ALMS1: variants seen among roughly 807,000 people sequenced by gnomAD.
ALMS1 encodes the protein ALMS1 centrosome and basal body associated protein, also known as centrosome-associated protein ALMS1.
ALMS1 carries 271 observed loss-of-function variants against 352.2 expected under a neutral mutation model. The observed-to-expected ratio is 0.77, with a 90% CI of 0.70 to 0.85. ALMS1 has a LOEUF of 0.85. Ranked by LOEUF, ALMS1 falls within the 40% of genes least tolerant of loss-of-function variation. ALMS1 has a pLI of 0.00. For missense variants in ALMS1, 5,445 were observed against 4,870.7 expected (o/e 1.12, Z -3.51); for synonymous variants, 1,865 against 1,761.2 (o/e 1.06, Z -1.48).
In ALMS1 at chr2:73,450,375, C is replaced by G. The variant is rs975256102; in HGVS notation, c.3848C>G (p.Ser1283Cys). The G allele has an allele frequency of 1.9e-6, 3 of 1,613,514 alleles. No individual in the cohort carries two copies. Among genetic ancestry groups the G allele is most frequent in the Non-Finnish European group, 2.5e-6 (3 of 1,179,882 alleles). The part of the protein sequence containing the change: ...DQTTGTPAVT[S>C]TSYSQYREKP... ...ACAACTGGCACACCAGCTGTAACCT[C>G]TACTTCCTACTCACAATATAGAGAG... Residue 1283 changes from serine (S) to cysteine (C), a missense_variant, in exon 8 of 23, where the codon TCT (serine) becomes TGT (cysteine). By Grantham distance (112) the Ser-to-Cys change is moderately radical. Coordinates refer to ENST00000613296, the MANE Select transcript of ALMS1 (RefSeq NM_001378454.1).
In ALMS1 at chr2:73,453,951, G is replaced by A; in HGVS notation, c.7424G>A (p.Ser2475Asn). Residue 2475 changes from serine (S) to asparagine (N), a missense_variant, in exon 8 of 23, where the codon AGT becomes AAT. Transcript: ENST00000613296. ...GAGAGTGAGGATGGTGGTGGTAGCA[G>A]TGTAGATTCACTGGCTGCACATGTG... ...VSESEDGGGSSVDSLAAHVKN... is the reference protein window; with the variant it reads ...VSESEDGGGSNVDSLAAHVKN... The A allele has an allele frequency of 1.2e-6, 2 of 1,614,028 alleles. No homozygotes were observed. Among genetic ancestry groups the A allele is most frequent in the Non-Finnish European group, 1.7e-6 (2 of 1,179,990 alleles).
intron 11 of ALMS1, 123 bp downstream of exon 11, chr2:73,520,139 A>T: frequency 1.6e-6 from 2 of 1,248,182 alleles, no homozygotes; most frequent in South Asian, 2.5e-5. Context: ...TAGGGTCCAT[A>T]TGATTATATC....
At position 73,451,595 on chromosome 2, in the gene ALMS1, A is replaced by G. The variant is rs1360738091; in HGVS notation, c.5068A>G (p.Lys1690Glu). 6.2e-7 allele frequency: 1 copy of G among 1,614,102 alleles called. No individual in the cohort carries two copies. Among genetic ancestry groups the G allele is most frequent in the Non-Finnish European group, 8.5e-7 (1 of 1,180,000 alleles). ...CAGTCATTTACCTGAAGAAGCTCTG[A>G]AAGTTCCACCTGTTCCTGGACCAGA... ...SDSHLPEEAL[K>E]VPPVPGPDAQ... The change falls in exon 8 of 23, where the codon AAA becomes GAA. Residue 1690 changes from lysine (K) to glutamate (E), a missense_variant. Coordinates refer to ENST00000613296, the MANE Select transcript of ALMS1 (RefSeq NM_001378454.1).
intron 2 of ALMS1, among the ~76,000 whole-genome samples, chr2:73,412,924 A>C (rs1369407128): frequency 6.6e-6 from 1 of 152,110 alleles, no homozygotes; most frequent in Non-Finnish European, 1.5e-5. Context: ...GTATCCCAGT[A>C]GTATATGAGA....
chr2:73,525,933 C>G (rs952544546), intron 11 of ALMS1, among the ~76,000 whole-genome samples: 2 of 152,008 alleles, frequency 1.3e-5, no homozygotes, highest in Non-Finnish European at 2.9e-5. Context: ...GTCTTTAATC[C>G]ATTTTGATTT....
intron 22 of ALMS1, 30 bp from the exon 23 acceptor site, chr2:73,609,538 C>T (rs1459560548): frequency 9.9e-6 from 16 of 1,612,946 alleles, no homozygotes; most frequent in African/African-American, 1.3e-5. Flanking sequence ...TAATATCTAA[C>T]TTCTTTCCTG....
intron 10 of ALMS1, among the ~76,000 whole-genome samples, chr2:73,495,702 T>C (rs958036871): frequency 6.6e-6 from 1 of 152,212 alleles, no homozygotes; most frequent in African/African-American, 2.4e-5. Context: ...TATACTCATA[T>C]CTGTATCTTT....
intron 7 of ALMS1, among the ~76,000 whole-genome samples, chr2:73,443,103 C>G (rs1194588056): frequency 6.6e-6 from 1 of 152,176 alleles, no homozygotes; most frequent in African/African-American, 2.4e-5. Flanking sequence ...AACTGATCAT[C>G]TTCTCTGCCA....
chr2:73,601,376 A>G lies in ALMS1; in HGVS notation c.12054A>G (p.Ala4018=), dbSNP rs998039859. The G allele has an allele frequency of 1.9e-5, 31 of 1,613,994 alleles. 1 individual carries two copies. In the African/African-American group the frequency reaches 2.9e-4, roughly 15 times the overall value. ...GQHLDGRGYL[A]GPGREAGRDL... ...ACCTGGACGGTCGGGGCTACCTGGC[A>G]GGCCCAGGCAGAGAGGCTGGCAGAG... Residue 4018 remains alanine, a synonymous_variant, in exon 19 of 23, where the codon GCA becomes GCG. Coordinates refer to ENST00000613296, the MANE Select transcript of ALMS1 (RefSeq NM_001378454.1).
Position 73,451,286 on chromosome 2 carries a change from G to T in ALMS1, c.4759G>T (p.Asp1587Tyr), listed in dbSNP as rs1671932257. 1 of 1,613,818 alleles carries T rather than the reference G, an allele frequency of 6.2e-7. No individual in the cohort carries two copies. Among genetic ancestry groups the T allele is most frequent in the Non-Finnish European group, 8.5e-7 (1 of 1,179,970 alleles). ...PIVNYKQAFP[D>Y]GHLPEEALKV... Reference sequence around the variant, plus strand: ...TGTTAACTACAAACAGGCCTTTCCAGATGGTCATCTACCTGAAGAGGCTCT... The same window carrying T: ...TGTTAACTACAAACAGGCCTTTCCATATGGTCATCTACCTGAAGAGGCTCT... Residue 1587 changes from aspartate to tyrosine, a missense_variant, in exon 8 of 23, where the codon GAT becomes TAT. Coordinates refer to ENST00000613296, the MANE Select transcript of ALMS1 (RefSeq NM_001378454.1).
chr2:73,420,499 G>C (rs762336271), intron 3 of ALMS1, among the ~76,000 whole-genome samples: 1 of 152,094 alleles, frequency 6.6e-6, no homozygotes, highest in Non-Finnish European at 1.5e-5. Context: ...CTAACTCCTA[G>C]AGTTTAAAAT....
At chr2:73,387,299 C>T (rs1377959034) in intron 1 of ALMS1, among the ~76,000 whole-genome samples, 3 of 152,228 alleles carry the variant, frequency 2.0e-5, no homozygotes, top group African/African-American at 7.2e-5. Context: ...TGGTCTCTGC[C>T]TTCCTTGTGT....
intron 9 of ALMS1, among the ~76,000 whole-genome samples, chr2:73,480,608 G>A (rs1344574430): frequency 1.3e-5 from 2 of 151,566 alleles, no homozygotes; most frequent in Non-Finnish European, 2.9e-5. Flanking sequence ...GGATGGCTGG[G>A]TCAAATGGTA....
Position 73,449,184 on chromosome 2 carries a change from A to C in ALMS1, c.2657A>C (p.Lys886Thr), listed in dbSNP as rs765784652. The C allele has an allele frequency of 1.4e-5, 22 of 1,614,108 alleles. No individual in the cohort carries two copies. The highest frequency in any genetic ancestry group is 1.0e-5 in the Non-Finnish European group (12 of 1,179,990). ...AGTCATCTAACTGAAGAGGCTCTGA[A>C]AGTATCAATTGTTCCTGGACCAGGT... ...PNSHLTEEALKVSIVPGPGDQ... is the reference protein window; with the variant it reads ...PNSHLTEEALTVSIVPGPGDQ... Residue 886 changes from lysine (K) to threonine (T), a missense_variant, in exon 8 of 23, where the codon AAA becomes ACA. Physicochemically the swap from Lys to Thr is moderately conservative, Grantham distance 78. Transcript: ENST00000613296.
At chr2:73,499,374 T>C (rs1673173689) in intron 10 of ALMS1, among the ~76,000 whole-genome samples, 1 of 152,168 alleles carries the variant, frequency 6.6e-6, no homozygotes, top group African/African-American at 2.4e-5. Context: ...CATTTGTCCA[T>C]TTTCGCTTTG....
chr2:73,451,027 G>A lies in ALMS1; in HGVS notation c.4500G>A (p.Leu1500=). The change falls in exon 8 of 23, where the codon CTG becomes CTA. Residue 1500 remains leucine, a synonymous_variant. Transcript: ENST00000613296. ...FPEGHLPEES[L]KVSVAPGPVG... is the part of the protein sequence containing the mutation. ...AGGGTCATCTACCTGAAGAGTCTCT[G>A]AAAGTTTCAGTTGCTCCTGGACCAG... 1 of 1,613,966 alleles carries A rather than the reference G, an allele frequency of 6.2e-7. No homozygotes were observed. Among genetic ancestry groups the A allele is most frequent in the Non-Finnish European group, 8.5e-7 (1 of 1,179,974 alleles).
chr2:73,524,467 T>C (rs984399607), intron 11 of ALMS1, among the ~76,000 whole-genome samples: 1 of 152,090 alleles, frequency 6.6e-6, no homozygotes, highest in African/African-American at 2.4e-5. Context: ...AAGTATTTAT[T>C]TTTTTTGAGA....
chr2:73,588,483 A>G lies in ALMS1; in HGVS notation c.11548-10918A>G, dbSNP rs191646431. On this transcript the variant is annotated intron_variant, in intron 16 of 22. Coordinates refer to ENST00000613296, the MANE Select transcript of ALMS1 (RefSeq NM_001378454.1). ...CCCTTATCTCTTTAATGTTATTGCTATGTTTGTCTCTGTGCTTTCTCTGTG... is the reference window on the plus strand; with the variant it reads ...CCCTTATCTCTTTAATGTTATTGCTGTGTTTGTCTCTGTGCTTTCTCTGTG... Among the ~76,000 whole-genome samples, 24 of 150,554 alleles carry G rather than the reference A, an allele frequency of 1.6e-4. No homozygotes were observed. In the East Asian group the frequency reaches 2.3e-3, roughly 15 times the overall value.
intron 2 of ALMS1, among the ~76,000 whole-genome samples, chr2:73,412,287 T>C (rs1558634622): frequency 1.3e-5 from 2 of 152,226 alleles, no homozygotes; most frequent in South Asian, 2.1e-4. Flanking sequence ...CAACTACTTA[T>C]CCAATTTCTT....
Sources: allele counts gnomAD v4.1 joint callset (sites outside exome capture counted in the v4.1 genomes callset), GRCh38; gene constraint gnomAD v4.1.1; transcripts MANE v1.5; gene names NCBI Gene and HGNC (gene_info 2026-07-23, HGNC 2026-07-21).